Variants in VSX2 observed in about 807,000 individuals in gnomAD.
VSX2 encodes visual system homeobox 2.
Under a neutral mutation model 32.1 loss-of-function variants are expected in VSX2, and 28 were observed. The observed-to-expected ratio is 0.87, with a 90% confidence interval of 0.65 to 1.20. VSX2 has a LOEUF of 1.20. Among genes scored for constraint, VSX2 ranks in the 50% most tolerant of loss-of-function variants. The probability of loss-of-function intolerance (pLI) is 0.00; values close to 1 mark genes in which losing one functional copy is unlikely to be tolerated. For synonymous variants in VSX2, 243 were observed against 214.1 expected (o/e 1.14, Z -1.18); for missense variants, 506 against 488.7 (o/e 1.04, Z -0.33).
At chr14:74,245,841 C>T (rs2079189003) in intron 3 of VSX2, among the ~76,000 whole-genome samples, 1 of 152,240 alleles carries the variant, frequency 6.6e-6, no homozygotes, top group African/African-American at 2.4e-5. Context: ...AACTGCTGCC[C>T]TGACCTGCTG....
chr14:74,241,350 A>G (rs1422359248), intron 2 of VSX2, 84 bp downstream of exon 2: 17 of 1,448,380 alleles, frequency 1.2e-5, no homozygotes, highest in Admixed American at 6.9e-5. Context: ...CTCGGACCCT[A>G]TTTTCGCCGA....
At chr14:74,248,246 G>A (rs932576546) in intron 3 of VSX2, among the ~76,000 whole-genome samples, 1 of 150,920 alleles carries the variant, frequency 6.6e-6, no homozygotes, top group Admixed American at 6.7e-5. Flanking sequence ...AGAAATTCTC[G>A]GCCACGCAGT....
At chr14:74,255,951 G>A (rs1008503804) in intron 3 of VSX2, among the ~76,000 whole-genome samples, 2 of 152,148 alleles carry the variant, frequency 1.3e-5, no homozygotes, top group Admixed American at 6.5e-5. Context: ...CTGAGAAATC[G>A]AAGCTGATGG....
chr14:74,244,927 T>TGAGAGA lies in VSX2; in HGVS notation c.456-237_456-236insAGAGAG, dbSNP rs1486415358. 3.1e-3 allele frequency among the ~76,000 whole-genome samples: 120 copies of TGAGAGA among 39,308 alleles called. 4 individuals are homozygous for TGAGAGA. In the East Asian group the frequency reaches 0.052, roughly 17 times the overall value. The allele number at this position is 39,308 out of a possible 152,430, so 25.8% of individuals were successfully genotyped here. A position where few individuals can be genotyped will look rare whatever the true frequency, so the allele number is the denominator to read the frequency against. ...GTGTGTGTGTGTGTGTGTGTGTGTG[T>TGAGAGA]GTGAAAGAGAGAGAGAAAGTGTGTG... On this transcript the variant is annotated intron_variant, in intron 2 of 4. Coordinates refer to ENST00000261980, the MANE Select transcript of VSX2 (RefSeq NM_182894.3).
chr14:74,260,727 G>C lies in VSX2; in HGVS notation c.894G>C (p.Gln298His). 6.3e-7 allele frequency: 1 copy of C among 1,593,230 alleles called. No individual in the cohort carries two copies. The highest frequency in any genetic ancestry group is 1.1e-5 in the South Asian group (1 of 87,704). ...RGPDAQAAIS[Q>H]EELRENSIAV... is the part of the protein sequence containing the mutation. ...CCGACGCTCAGGCGGCCATCTCCCA[G>C]GAGGAACTGAGGGAGAACAGCATTG... The change falls in exon 5 of 5, where the codon CAG (glutamine) becomes CAC (histidine). Residue 298 changes from glutamine (Q) to histidine (H), a missense_variant. Physicochemically the swap from Gln to His is conservative, Grantham distance 24. Coordinates refer to ENST00000261980, the MANE Select transcript of VSX2 (RefSeq NM_182894.3).
intron 3 of VSX2, among the ~76,000 whole-genome samples, chr14:74,248,002 T>C (rs900457393): frequency 3.3e-5 from 5 of 152,062 alleles, no homozygotes; most frequent in African/African-American, 1.2e-4. Context: ...CTAGGGGCTA[T>C]TACTCTCATT....
chr14:74,253,535 C>G (rs985366646), intron 3 of VSX2, among the ~76,000 whole-genome samples: 57 of 152,222 alleles, frequency 3.7e-4, no homozygotes, highest in African/African-American at 1.3e-3. Context: ...TCAGTTATCA[C>G]TATGTGGCAG....
chr14:74,244,844 T>A (rs185727770), intron 2 of VSX2, among the ~76,000 whole-genome samples: 4 of 135,950 alleles, frequency 2.9e-5, no homozygotes, highest in Non-Finnish European at 6.4e-5. Context: ...GGAAGAAGAG[T>A]CCGGAGGGTT....
At chr14:74,255,146 C>G (rs1276811045) in intron 3 of VSX2, among the ~76,000 whole-genome samples, 1 of 152,084 alleles carries the variant, frequency 6.6e-6, no homozygotes, top group Non-Finnish European at 1.5e-5. Context: ...GTAACTTGCC[C>G]AAAGTCACAC....
intron 3 of VSX2, among the ~76,000 whole-genome samples, chr14:74,253,010 C>T (rs1229751774): frequency 6.9e-6 from 1 of 145,104 alleles, no homozygotes; most frequent in African/African-American, 2.6e-5. Flanking sequence ...GATCGTGCCA[C>T]TGCACCCCAG....
chr14:74,254,835 A>G (rs375372278), intron 3 of VSX2, among the ~76,000 whole-genome samples: 55 of 130,326 alleles, frequency 4.2e-4, no homozygotes, highest in African/African-American at 1.5e-3. Context: ...GCTCGAGTGC[A>G]GTGGCATGAT....
At chr14:74,255,997 T>C (rs557428710) in intron 3 of VSX2, among the ~76,000 whole-genome samples, 3 of 152,330 alleles carry the variant, frequency 2.0e-5, no homozygotes, top group Non-Finnish European at 2.9e-5. Flanking sequence ...CAGGACATTA[T>C]GTTACTGTGG....
intron 1 of VSX2, 115 bp downstream of exon 1, chr14:74,240,046 C>T: frequency 1.1e-5 from 15 of 1,377,240 alleles, no homozygotes; most frequent in Non-Finnish European, 1.5e-5. Context: ...CCTGCCAGGC[C>T]GGGGGTCGCC....
chr14:74,244,901 T>TGAAAGAGAGAGAGAAAGAGAGAGAGAAA (rs2079174641), intron 2 of VSX2, among the ~76,000 whole-genome samples: 1 of 65,804 alleles, frequency 1.5e-5, no homozygotes, highest in Non-Finnish European at 3.7e-5. Flanking sequence ...TGTGTGTGTG[T>TGAAAGAGAGAGAGAAAGAGAGAGAGAAA]GTGTGTGTGT....
chr14:74,244,929 T>TGAGAGA lies in VSX2; in HGVS notation c.456-234_456-233insGAGAGA, dbSNP rs554735119. Among the ~76,000 whole-genome samples the TGAGAGA allele has an allele frequency of 4.4e-4, 17 of 38,912 alleles. No homozygotes were observed. The East Asian group carries it at 6.8e-3, about 16-fold the overall frequency. The allele number at this position is 38,912 out of a possible 152,430, so 25.5% of individuals were successfully genotyped here. A position where few individuals can be genotyped will look rare whatever the true frequency, so the allele number is the denominator to read the frequency against. Reference sequence around the variant, plus strand: ...GTGTGTGTGTGTGTGTGTGTGTGTGTGAAAGAGAGAGAGAAAGTGTGTGTG... The same window carrying TGAGAGA: ...GTGTGTGTGTGTGTGTGTGTGTGTGTGAGAGAGAAAGAGAGAGAGAAAGTGTGTGTG... On this transcript the variant is annotated intron_variant, in intron 2 of 4. Coordinates refer to ENST00000261980, the MANE Select transcript of VSX2 (RefSeq NM_182894.3).
At chr14:74,249,340 G>A (rs893994490) in intron 3 of VSX2, among the ~76,000 whole-genome samples, 20 of 151,226 alleles carry the variant, frequency 1.3e-4, no homozygotes, top group Non-Finnish European at 7.4e-5. Context: ...GTGTGATCTC[G>A]GCTCACCGAA....
chr14:74,249,950 T>TTAAA (rs201580559), intron 3 of VSX2, among the ~76,000 whole-genome samples: 2,541 of 152,142 alleles, frequency 0.017, 81 homozygotes, highest in Admixed American at 0.084. Flanking sequence ...TCTTTGTGTC[T>TTAAA]TAAATAAATA....
rs2079291424 is a variant in VSX2 at position 74,259,740 on chromosome 14, G to A, written c.718G>A (p.Ala240Thr). 6.2e-7 allele frequency: 1 copy of A among 1,613,692 alleles called. No individual in the cohort carries two copies. Among genetic ancestry groups the A allele is most frequent in the Non-Finnish European group, 8.5e-7 (1 of 1,179,730 alleles). Residue 240 changes from alanine (A) to threonine (T), a missense_variant, in exon 4 of 5, where the codon GCC becomes ACC. By Grantham distance (58) the Ala-to-Thr change is moderately conservative. Coordinates refer to ENST00000261980, the MANE Select transcript of VSX2 (RefSeq NM_182894.3). The stretch of plus-strand genomic sequence containing the variant: ...CCTGCCCGAGTCCATCCTCAAGTCA[G>A]CCAAGGATGGCATCATGGACTCCTG... ...IPLPESILKS[A>T]KDGIMDSCAP...
At chr14:74,246,208 G>A (rs1443207355) in intron 3 of VSX2, among the ~76,000 whole-genome samples, 1 of 152,252 alleles carries the variant, frequency 6.6e-6, no homozygotes, top group Admixed American at 6.5e-5. Flanking sequence ...GAGCGGTCCA[G>A]AGCTAGTTCA....
Sources: gnomAD v4.1 joint callset for allele counts (sites outside exome capture counted in the v4.1 genomes callset) on GRCh38, gnomAD v4.1.1 for gene constraint, MANE v1.5 for transcripts, NCBI Gene and HGNC (gene_info 2026-07-23, HGNC 2026-07-21) for gene names.